Variants in ATP2A2 observed in about 807,000 individuals in gnomAD.
ATP2A2 encodes the protein sarcoplasmic/endoplasmic reticulum calcium ATPase 2.
ATP2A2 carries 14 observed loss-of-function variants against 109.3 expected under a neutral mutation model. The observed-to-expected ratio is 0.13, with a 90% confidence interval of 0.08 to 0.20. ATP2A2 has a LOEUF of 0.20. Among genes scored for constraint, ATP2A2 ranks in the 10% least tolerant of loss-of-function variants. The probability of loss-of-function intolerance (pLI) is 1.00; values close to 1 mark genes in which losing one functional copy is unlikely to be tolerated. For missense variants in ATP2A2, 657 were observed against 1,321.6 expected (o/e 0.50, Z 7.80); for synonymous variants, 506 against 490.9 (o/e 1.03, Z -0.41).
intron 4 of ATP2A2, among the ~76,000 whole-genome samples, chr12:110,293,652 T>TC (rs1346785174): frequency 6.6e-6 from 1 of 151,834 alleles, no homozygotes; most frequent in East Asian, 1.9e-4. Flanking sequence ...TGCCTTGGCC[T>TC]CCCAAAGTGC....
chr12:110,283,005 G>A (rs1421166308), intron 3 of ATP2A2, among the ~76,000 whole-genome samples: 1 of 152,196 alleles, frequency 6.6e-6, no homozygotes, highest in Non-Finnish European at 1.5e-5. Flanking sequence ...GACATTTACA[G>A]TGTGGTTAGG....
intron 8 of ATP2A2, chr12:110,329,709 C>G (rs1878157229): frequency 6.6e-6 from 1 of 152,144 alleles, no homozygotes; most frequent in South Asian, 2.1e-4. Context: ...GGCGTGAGCC[C>G]CCGCGCCCGG....
intron 3 of ATP2A2, among the ~76,000 whole-genome samples, chr12:110,285,055 A>G (rs1872530142): frequency 6.6e-6 from 1 of 152,198 alleles, no homozygotes; most frequent in Non-Finnish European, 1.5e-5. Flanking sequence ...TTTTTGGAGA[A>G]GTGACTAGGC....
At chr12:110,282,820 T>A (rs907019091) in intron 3 of ATP2A2, 25 bp downstream of exon 3, 3 of 1,575,940 alleles carry the variant, frequency 1.9e-6, no homozygotes. Context: ...ATTTATTTTC[T>A]TTCCCCCCAA....
In ATP2A2 at chr12:110,349,166, G is replaced by A. The variant is rs1880166301; in HGVS notation, c.*2696G>A. 2 of 985,508 alleles carry A rather than the reference G, an allele frequency of 2.0e-6. No individual in the cohort carries two copies. Among genetic ancestry groups the A allele is most frequent in the Non-Finnish European group, 1.2e-6 (1 of 830,024 alleles). 61.0% of individuals were successfully genotyped at this position (985,508 alleles called of 1,614,324 possible). A position where few individuals can be genotyped will look rare whatever the true frequency, so the allele number is the denominator to read the frequency against. On this transcript the variant is annotated 3_prime_UTR_variant, in exon 20 of 20. Transcript: ENST00000539276. The stretch of plus-strand genomic sequence containing the variant: ...GCAGGGCCACTTGCTCCATTTCACT[G>A]AAGGCTTTGCTGGGTGAAAACACTT...
intron 5 of ATP2A2, among the ~76,000 whole-genome samples, chr12:110,300,204 T>TA (rs1390032449): frequency 1.5e-5 from 2 of 134,922 alleles, no homozygotes; most frequent in Admixed American, 7.3e-5. Context: ...TTTTTTTTTT[T>TA]AACTTGGAGA....
chr12:110,350,098 G>T lies in ATP2A2; in HGVS notation c.*3628G>T, dbSNP rs1316283823. 6.8e-7 allele frequency: 1 copy of T among 1,464,606 alleles called. No individual in the cohort carries two copies. The highest frequency in any genetic ancestry group is 9.0e-7 in the Non-Finnish European group (1 of 1,113,208). The allele number at this position is 1,464,606 out of a possible 1,614,324, so 90.7% of individuals were successfully genotyped here. On this transcript the variant is annotated 3_prime_UTR_variant, in exon 20 of 20. Coordinates refer to ENST00000539276, the MANE Select transcript of ATP2A2 (RefSeq NM_170665.4). ...GAGGAGTCTGTGTCACTGAGCCAGT[G>T]CTTCTAGATGCTACCCTGTGTGGGC...
intron 16 of ATP2A2, among the ~76,000 whole-genome samples, chr12:110,344,185 A>G (rs954653854): frequency 1.3e-5 from 2 of 152,082 alleles, no homozygotes; most frequent in African/African-American, 4.8e-5. Flanking sequence ...TCATCCTTGC[A>G]GCCAGCGGCC....
In ATP2A2 at chr12:110,349,395, C is replaced by T. The variant is rs148199027; in HGVS notation, c.*2925C>T. Reference sequence around the variant, plus strand: ...TGGCTGAAGGCCCAGCCATCAGTGTCGCTTGTTGCCACCCCGTGCCTCCCT... The same window carrying T: ...TGGCTGAAGGCCCAGCCATCAGTGTTGCTTGTTGCCACCCCGTGCCTCCCT... On this transcript the variant is annotated 3_prime_UTR_variant, in exon 20 of 20. Coordinates refer to ENST00000539276, the MANE Select transcript of ATP2A2 (RefSeq NM_170665.4). The T allele has an allele frequency of 6.1e-6, 6 of 985,534 alleles. No individual in the cohort carries two copies. The highest frequency in any genetic ancestry group is 1.1e-4 in the East Asian group (1 of 8,808). 61.0% of individuals were successfully genotyped at this position (985,534 alleles called of 1,614,324 possible).
chr12:110,345,947 G>A, intron 18 of ATP2A2, 54 bp from the exon 19 acceptor site: 1 of 1,561,182 alleles, frequency 6.4e-7, no homozygotes, highest in Non-Finnish European at 8.8e-7. Context: ...TACTGCCACT[G>A]TGACACGTGC....
chr12:110,350,397 T>C lies in ATP2A2; in HGVS notation c.*3927T>C. ...CACATCTACCAACCCTGTGCATGAC[T>C]GATGTTGGGGAAAAAGAAAAGTAAA... On this transcript the variant is annotated 3_prime_UTR_variant, in exon 20 of 20. Coordinates refer to ENST00000539276, the MANE Select transcript of ATP2A2 (RefSeq NM_170665.4). 1 of 1,599,188 alleles carries C rather than the reference T, an allele frequency of 6.3e-7. No homozygotes were observed. Among genetic ancestry groups the C allele is most frequent in the Middle Eastern group, 1.7e-4 (1 of 6,028 alleles).
At position 110,328,027 on chromosome 12, in the gene ATP2A2, G is replaced by C. The variant is rs1448624881; in HGVS notation, c.1095+10G>C. ...GATGTCAGTCTGCAGGGTAAGAGGAGTAATTTAGAATATTCCGTGTCGTGG... is the reference window on the plus strand; with the variant it reads ...GATGTCAGTCTGCAGGGTAAGAGGACTAATTTAGAATATTCCGTGTCGTGG... On this transcript the variant is annotated intron_variant, in intron 8 of 19. Transcript: ENST00000539276. 1 of 1,608,820 alleles carries C rather than the reference G, an allele frequency of 6.2e-7. No homozygotes were observed. The highest frequency in any genetic ancestry group is 8.5e-7 in the Non-Finnish European group (1 of 1,176,600).
In ATP2A2 at chr12:110,342,622, C is replaced by T. The variant is rs557655879; in HGVS notation, c.2318+174C>T. On this transcript the variant is annotated intron_variant, in intron 15 of 19. Coordinates refer to ENST00000539276, the MANE Select transcript of ATP2A2 (RefSeq NM_170665.4). The surrounding 1 kb of genome is among the most constrained non-coding windows in gnomAD (Gnocchi z 4.6). ...ATGGAAGCAGTGGTGCTTTGGCCCT[C>T]GGGAGGGTTGTCTGCAGCTGCCCCA... is the stretch of plus-strand genomic sequence containing the variant. 2.0e-5 allele frequency among the ~76,000 whole-genome samples: 3 copies of T among 152,192 alleles called. No individual in the cohort carries two copies. The highest frequency in any genetic ancestry group is 2.9e-5 in the Non-Finnish European group (2 of 68,006).
intron 5 of ATP2A2, among the ~76,000 whole-genome samples, chr12:110,304,337 A>G (rs1346677931): frequency 6.6e-6 from 1 of 152,164 alleles, no homozygotes; most frequent in Admixed American, 6.5e-5. Context: ...TAGTGACTCT[A>G]TACTTAACAT....
intron 3 of ATP2A2, among the ~76,000 whole-genome samples, chr12:110,286,090 A>T (rs961265792): frequency 1.3e-5 from 2 of 151,822 alleles, no homozygotes; most frequent in Non-Finnish European, 2.9e-5. Context: ...CGCCCGGCTA[A>T]TTTTTGTATT....
intron 3 of ATP2A2, among the ~76,000 whole-genome samples, chr12:110,287,149 A>T (rs1200707411): frequency 6.6e-6 from 1 of 152,144 alleles, no homozygotes; most frequent in Non-Finnish European, 1.5e-5. Context: ...GCTACTCAGG[A>T]GGCTGAGGCA....
At chr12:110,295,636 G>T (rs1037657563) in intron 4 of ATP2A2, among the ~76,000 whole-genome samples, 3 of 152,096 alleles carry the variant, frequency 2.0e-5, no homozygotes, top group African/African-American at 4.8e-5. Flanking sequence ...TTTTTCTGGG[G>T]TATATACATC....
chr12:110,329,198 T>C (rs1878097355), intron 8 of ATP2A2, among the ~76,000 whole-genome samples: 1 of 152,184 alleles, frequency 6.6e-6, no homozygotes, highest in Non-Finnish European at 1.5e-5. Context: ...TTATAAATGA[T>C]ATGTAAATAG....
At chr12:110,297,933 A>G (rs1047519882) in intron 5 of ATP2A2, among the ~76,000 whole-genome samples, 1 of 151,932 alleles carries the variant, frequency 6.6e-6, no homozygotes, top group East Asian at 1.9e-4. Flanking sequence ...CAAAATCACA[A>G]CACCCCTGGG....
Sources: allele counts gnomAD v4.1 joint callset (sites outside exome capture counted in the v4.1 genomes callset), GRCh38; gene constraint gnomAD v4.1.1; non-coding constraint Gnocchi (gnomAD v3.1); transcripts MANE v1.5; gene names NCBI Gene and HGNC (gene_info 2026-07-23, HGNC 2026-07-21).